The following SGCZ variants were observed in gnomAD, a reference collection of about 807,000 sequenced individuals.
SGCZ encodes the protein sarcoglycan zeta.
Under a neutral mutation model 41.3 loss-of-function variants are expected in SGCZ, and 40 were observed. The ratio of observed to expected loss-of-function variants is 0.97; its 90% confidence interval spans 0.75 to 1.26. The LOEUF (loss-of-function observed/expected upper bound fraction) is 1.26. SGCZ is among the 50% of genes most tolerant of loss of function. SGCZ has a pLI of 0.00. For synonymous variants in SGCZ, 206 were observed against 137.5 expected (o/e 1.50, Z -3.49); for missense variants, 552 against 369.8 (o/e 1.49, Z -4.04).
chr8:14,559,262 G>C (rs1462718548), intron 1 of SGCZ, among the ~76,000 whole-genome samples: 1 of 152,074 alleles, frequency 6.6e-6, no homozygotes, highest in African/African-American at 2.4e-5. Context: ...TCCTAGAACT[G>C]ATGAATGAAT....
At chr8:14,833,648 G>A (rs1445424046) in intron 1 of SGCZ, among the ~76,000 whole-genome samples, 1 of 152,138 alleles carries the variant, frequency 6.6e-6, no homozygotes, top group Non-Finnish European at 1.5e-5. Flanking sequence ...GAATGTGCTT[G>A]CAGATGGGGA....
chr8:14,634,938 T>C (rs1459913699), intron 1 of SGCZ, among the ~76,000 whole-genome samples: 1 of 151,882 alleles, frequency 6.6e-6, no homozygotes, highest in Non-Finnish European at 1.5e-5. Flanking sequence ...TTGATAATAT[T>C]GTTTATTGGT....
At chr8:15,207,455 G>C (rs1382332067) in intron 1 of SGCZ, among the ~76,000 whole-genome samples, 3 of 152,140 alleles carry the variant, frequency 2.0e-5, no homozygotes, top group Non-Finnish European at 2.9e-5. Flanking sequence ...AATAATCAAA[G>C]AAACAGCAGA....
At chr8:14,229,416 G>A (rs1283205820) in intron 4 of SGCZ, among the ~76,000 whole-genome samples, 1 of 151,824 alleles carries the variant, frequency 6.6e-6, no homozygotes, top group African/African-American at 2.4e-5. Flanking sequence ...TGATATCACA[G>A]GCATCTACTT....
chr8:14,989,729 G>A (rs1193958957), intron 1 of SGCZ, among the ~76,000 whole-genome samples: 1 of 152,162 alleles, frequency 6.6e-6, no homozygotes, highest in Non-Finnish European at 1.5e-5. Context: ...GCAGAAATGA[G>A]TGTTCTTTAG....
chr8:14,875,139 AG>A (rs1195516987), intron 1 of SGCZ, among the ~76,000 whole-genome samples: 1 of 152,158 alleles, frequency 6.6e-6, no homozygotes, highest in Non-Finnish European at 1.5e-5. Context: ...GGTGCCAGCT[AG>A]GTAGGTTTTG....
At chr8:14,669,833 C>T (rs891006286) in intron 1 of SGCZ, among the ~76,000 whole-genome samples, 1 of 152,192 alleles carries the variant, frequency 6.6e-6, no homozygotes, top group African/African-American at 2.4e-5. Flanking sequence ...TCGAGATCCT[C>T]ACTTTACTTC....
At chr8:15,003,994 G>C (rs896549378) in intron 1 of SGCZ, among the ~76,000 whole-genome samples, 3 of 152,066 alleles carry the variant, frequency 2.0e-5, no homozygotes, top group African/African-American at 4.8e-5. Context: ...TGAGCAGGAG[G>C]GGGGAAGCCC....
In SGCZ at chr8:14,659,990, C is replaced by G. The variant is rs190203572; in HGVS notation, c.40-105064G>C. ...CAGAGATTAGGGAGAATGCCATGTA[C>G]AAGGCAAGGAACACCTGAGGCTACC... On this transcript the variant is annotated intron_variant, in intron 1 of 7. Coordinates refer to ENST00000382080, the MANE Select transcript of SGCZ (RefSeq NM_139167.4). Among the ~76,000 whole-genome samples, 6 of 152,192 alleles carry G rather than the reference C, an allele frequency of 3.9e-5. No homozygotes were observed. The East Asian group carries it at 1.2e-3, about 30-fold the overall frequency.
chr8:14,350,477 G>T (rs979665984), intron 2 of SGCZ, among the ~76,000 whole-genome samples: 3 of 152,070 alleles, frequency 2.0e-5, no homozygotes, highest in Admixed American at 6.6e-5. Context: ...AGGAGTGTTA[G>T]GGGCTGGTGA....
At chr8:14,834,798 T>C (rs1365083764) in intron 1 of SGCZ, among the ~76,000 whole-genome samples, 1 of 152,136 alleles carries the variant, frequency 6.6e-6, no homozygotes, top group Non-Finnish European at 1.5e-5. Context: ...AGCACAGAAC[T>C]TTGTGATCAA....
chr8:14,645,486 A>AT (rs928641052), intron 1 of SGCZ, among the ~76,000 whole-genome samples: 11 of 143,526 alleles, frequency 7.7e-5, no homozygotes, highest in Non-Finnish European at 1.7e-4. Flanking sequence ...ATTTATATGT[A>AT]TATATATATA....
At chr8:14,784,113 C>T (rs1366668831) in intron 1 of SGCZ, among the ~76,000 whole-genome samples, 1 of 149,194 alleles carries the variant, frequency 6.7e-6, no homozygotes, top group African/African-American at 2.5e-5. Flanking sequence ...TGTAGTTGTA[C>T]AATCATGGTT....
intron 1 of SGCZ, among the ~76,000 whole-genome samples, chr8:14,562,414 G>A (rs1804233442): frequency 6.6e-6 from 1 of 152,002 alleles, no homozygotes; most frequent in Non-Finnish European, 1.5e-5. Context: ...TTATCAAGTA[G>A]TAACATGATC....
rs531858091 is a variant in SGCZ at position 14,672,591 on chromosome 8, G to C, written c.40-117665C>G. 2.6e-5 allele frequency among the ~76,000 whole-genome samples: 4 copies of C among 152,256 alleles called. No individual in the cohort carries two copies. In the South Asian group the frequency reaches 8.3e-4, roughly 32 times the overall value. The stretch of plus-strand genomic sequence containing the variant: ...GGTGCTGTAATAACATAAATATAAT[G>C]GTTGGAGCAGGAAGTAACTAACTCT... On this transcript the variant is annotated intron_variant, in intron 1 of 7. Transcript: ENST00000382080.
intron 2 of SGCZ, among the ~76,000 whole-genome samples, chr8:14,513,629 A>C (rs993729664): frequency 6.7e-6 from 1 of 149,768 alleles, no homozygotes; most frequent in Non-Finnish European, 1.5e-5. Flanking sequence ...TATTTGATGC[A>C]TGTTCTTAAA....
At chr8:14,739,368 T>A (rs1040629329) in intron 1 of SGCZ, among the ~76,000 whole-genome samples, 4 of 152,048 alleles carry the variant, frequency 2.6e-5, no homozygotes, top group African/African-American at 9.7e-5. Flanking sequence ...ATTATCTACA[T>A]AGAGAAATAA....
intron 1 of SGCZ, among the ~76,000 whole-genome samples, chr8:15,094,787 T>C (rs973652392): frequency 4.6e-5 from 7 of 152,174 alleles, no homozygotes; most frequent in Non-Finnish European, 8.8e-5. Flanking sequence ...CAAGTTCTGA[T>C]GGTTTTATGA....
intron 1 of SGCZ, among the ~76,000 whole-genome samples, chr8:14,592,156 T>C (rs1805261730): frequency 6.6e-6 from 1 of 152,178 alleles, no homozygotes; most frequent in Non-Finnish European, 1.5e-5. Context: ...CAGTTGTTTT[T>C]CATTTGTTCA....
Sources: gnomAD v4.1 joint callset for allele counts (sites outside exome capture counted in the v4.1 genomes callset) on GRCh38, gnomAD v4.1.1 for gene constraint, MANE v1.5 for transcripts, NCBI Gene and HGNC (gene_info 2026-07-23, HGNC 2026-07-21) for gene names.